The following ITGB2 variants were observed in gnomAD, a reference collection of about 807,000 sequenced individuals.
The protein encoded by ITGB2 is integrin beta-2.
Under a neutral mutation model 86.8 loss-of-function variants are expected in ITGB2, and 56 were observed. That is an observed-to-expected ratio of 0.65 (90% CI 0.52 to 0.81). ITGB2 has a LOEUF of 0.81. Ranked by LOEUF, ITGB2 falls within the 30% of genes least tolerant of loss-of-function variation. ITGB2 has a pLI of 0.00. For missense variants in ITGB2, 948 were observed against 1,061.2 expected (o/e 0.89, Z 1.48); for synonymous variants, 457 against 450.4 (o/e 1.01, Z -0.19).
At chr21:44,886,560 G>A in intron 15 of ITGB2, 130 bp from the exon 16 acceptor site, 1 of 1,391,686 alleles carries the variant, frequency 7.2e-7, no homozygotes, top group Non-Finnish European at 1.0e-6. Flanking sequence ...AGCCCCCCCA[G>A]GGTCCCAGCA....
chr21:44,889,276 A>G lies in ITGB2; in HGVS notation c.1877T>C (p.Ile626Thr), dbSNP rs756682448. ...CCCTGCCTGCTCCGCCTGCACTCACATGTACTTGCCACAGGGTGAGGGGCA... is the reference window on the plus strand; with the variant it reads ...CCCTGCCTGCTCCGCCTGCACTCACGTGTACTTGCCACAGGGTGAGGGGCA... ...PGCPSPCGKY[I>T]SCAECLKFEK... The change falls in exon 13 of 16, where the codon ATC becomes ACC. Residue 626 changes from isoleucine to threonine, a missense_variant and splice_region_variant. By Grantham distance (89) the Ile-to-Thr change is moderately conservative. Transcript: ENST00000652462. 1.9e-6 allele frequency: 3 copies of G among 1,612,300 alleles called. No homozygotes were observed. The highest frequency in any genetic ancestry group is 1.3e-5 in the African/African-American group (1 of 74,826).
intron 9 of ITGB2, chr21:44,894,665 C>T (rs972353322): frequency 1.9e-5 from 8 of 428,138 alleles, no homozygotes; most frequent in African/African-American, 1.4e-4. Flanking sequence ...TGTTTGCCAC[C>T]AGAGCTGTCC....
intron 7 of ITGB2, 73 bp from the exon 8 acceptor site, chr21:44,899,235 C>T (rs945940863): frequency 6.6e-5 from 76 of 1,151,800 alleles, no homozygotes; most frequent in Non-Finnish European, 9.0e-5. Flanking sequence ...CCCTGTCTGC[C>T]CCGCTCAGCG....
chr21:44,886,823 C>T lies in ITGB2; in HGVS notation c.2160G>A (p.Leu720=), dbSNP rs1334590511. ...AGIVLIGILL[L]VIWKALIHLS... is the part of the protein sequence containing the mutation. ...GGTGGATCAGAGCCTTCCAGATGAC[C>T]AGCAGGAGAATGCCGATCAGCACGA... Residue 720 remains leucine (L), a synonymous_variant, in exon 15 of 16, where the codon CTG becomes CTA. Transcript: ENST00000652462. The T allele has an allele frequency of 6.2e-7, 1 of 1,613,922 alleles. No homozygotes were observed. The highest frequency in any genetic ancestry group is 1.7e-5 in the Admixed American group (1 of 60,028).
In ITGB2 at chr21:44,888,749, G is replaced by A. The variant is rs778278328; in HGVS notation, c.2024C>T (p.Thr675Met). ...GTCCATCCCGTCCTGCTGCTCCAGC[G>A]TGTAGGCCACCCAGCAGCCCTCTGA... ...RDSEGCWVAYTLEQQDGMDRY... is the reference protein window; with the variant it reads ...RDSEGCWVAYMLEQQDGMDRY... Residue 675 changes from threonine to methionine, a missense_variant, in exon 14 of 16, where the codon ACG becomes ATG. Thr to Met is a moderately conservative substitution (Grantham distance 81). Transcript: ENST00000652462. 41 of 1,611,530 alleles carry A rather than the reference G, an allele frequency of 2.5e-5. No individual in the cohort carries two copies. Among genetic ancestry groups the A allele is most frequent in the South Asian group, 4.4e-5 (4 of 91,094 alleles).
At chr21:44,889,913 G>A (rs554317807) in intron 12 of ITGB2, 65 bp downstream of exon 12, 37 of 1,600,014 alleles carry the variant, frequency 2.3e-5, no homozygotes, top group East Asian at 1.1e-4. Flanking sequence ...GGTCCAGAAC[G>A]CACCCCCCAA....
chr21:44,925,885 T>C (rs1364025872), upstream of ITGB2, among the ~76,000 whole-genome samples: 3 of 152,182 alleles, frequency 2.0e-5, no homozygotes, highest in Non-Finnish European at 4.4e-5. Context: ...GAGACCATCC[T>C]GGCTAACATG....
chr21:44,901,413 C>G (rs1242683649), intron 6 of ITGB2, 79 bp downstream of exon 6: 2 of 1,544,202 alleles, frequency 1.3e-6, no homozygotes, highest in African/African-American at 2.7e-5. Context: ...CCAGGGTACC[C>G]CCCTGCCCCC....
intron 14 of ITGB2, among the ~76,000 whole-genome samples, chr21:44,887,289 C>T (rs1427274227): frequency 6.6e-6 from 1 of 152,192 alleles, no homozygotes; most frequent in Non-Finnish European, 1.5e-5. Flanking sequence ...ACTCCCCATA[C>T]TGTGAAAGTG....
chr21:44,913,216 G>A (rs2084158766), intron 1 of ITGB2, among the ~76,000 whole-genome samples: 1 of 152,078 alleles, frequency 6.6e-6, no homozygotes, highest in African/African-American at 2.4e-5. Flanking sequence ...ACCTCCCCTG[G>A]CAGCCCCAGC....
At chr21:44,919,702 C>T (rs755260341) in intron 1 of ITGB2, among the ~76,000 whole-genome samples, 2 of 152,246 alleles carry the variant, frequency 1.3e-5, no homozygotes, top group Non-Finnish European at 2.9e-5. Flanking sequence ...GGCCATCCCC[C>T]CCCTTCCCCA....
intron 8 of ITGB2, among the ~76,000 whole-genome samples, chr21:44,898,863 T>G (rs549053207): frequency 2.0e-5 from 3 of 152,192 alleles, no homozygotes; most frequent in Non-Finnish European, 4.4e-5. Flanking sequence ...GGGGAGGAAT[T>G]CCTCCTCCTA....
intron 5 of ITGB2, 165 bp from the exon 6 acceptor site, chr21:44,901,898 A>G (rs1289867739): frequency 1.3e-6 from 1 of 757,772 alleles, no homozygotes; most frequent in Non-Finnish European, 2.1e-6. Flanking sequence ...GCGTTGTGCA[A>G]GCACACATGT....
At chr21:44,925,920 T>TAAA (rs1476458895) in intron 1 of ITGB2, among the ~76,000 whole-genome samples, 1 of 151,994 alleles carries the variant, frequency 6.6e-6, no homozygotes, top group Non-Finnish European at 1.5e-5. Flanking sequence ...CTACTAAAAA[T>TAAA]ACAACAACAA....
intron 5 of ITGB2, 63 bp from the exon 6 acceptor site, chr21:44,901,796 C>CT: frequency 6.4e-7 from 1 of 1,552,826 alleles, no homozygotes; most frequent in Non-Finnish European, 8.7e-7. Flanking sequence ...GGGCCAGCTT[C>CT]AAAGGGGCAC....
intron 3 of ITGB2, among the ~76,000 whole-genome samples, chr21:44,907,339 G>A (rs372365739): frequency 7.7e-4 from 118 of 152,330 alleles, no homozygotes; most frequent in African/African-American, 2.8e-3. Context: ...TGCCTCTAGC[G>A]GCAGAAAGGA....
intron 13 of ITGB2, 161 bp from the exon 14 acceptor site, chr21:44,889,056 G>T: frequency 1.4e-6 from 1 of 712,074 alleles, no homozygotes; most frequent in Non-Finnish European, 2.4e-6. Flanking sequence ...TGCAGCGGGT[G>T]AACTGGAAGC....
intron 3 of ITGB2, chr21:44,908,027 C>G: frequency 1.4e-6 from 1 of 717,078 alleles, no homozygotes; most frequent in Middle Eastern, 2.3e-4. Context: ...CTGAAAACCT[C>G]CAGAAAGGGG....
chr21:44,892,127 G>A, intron 10 of ITGB2, 131 bp from the exon 11 acceptor site: 1 of 876,396 alleles, frequency 1.1e-6, no homozygotes, highest in South Asian at 1.4e-5. Context: ...GTGACCAGGA[G>A]CAGGAAGAGC....
Sources: gnomAD v4.1 joint callset for allele counts (sites outside exome capture counted in the v4.1 genomes callset) on GRCh38, gnomAD v4.1.1 for gene constraint, MANE v1.5 for transcripts, NCBI Gene and HGNC (gene_info 2026-07-23, HGNC 2026-07-21) for gene names.